TVP23C: variants seen among roughly 807,000 people sequenced by gnomAD.
TVP23C encodes trans-golgi network vesicle protein 23 homolog C.
A neutral mutation model predicts 28.7 loss-of-function variants in TVP23C; 19 were observed. That is an observed-to-expected ratio of 0.66 (90% CI 0.46 to 0.97). The LOEUF is 0.97. Ranked by LOEUF, TVP23C falls within the 50% of genes least tolerant of loss-of-function variation. The pLI is 0.00. For synonymous variants in TVP23C, 68 were observed against 81.7 expected (o/e 0.83, Z 0.90); for missense variants, 186 against 241.3 (o/e 0.77, Z 1.52).
In TVP23C at chr17:15,537,134, T is replaced by C. The variant is rs1328294022; in HGVS notation, c.*3278A>G. ...ACAACATAATCTGCTGATTAAGACT[T>C]CAACAAAGTTTATAATACCTACAAC... On this transcript the variant is annotated 3_prime_UTR_variant, in exon 6 of 6. Coordinates refer to ENST00000518321, the MANE Select transcript of TVP23C (RefSeq NM_001135036.2). 3.7e-6 allele frequency: 1 copy of C among 271,156 alleles called. No homozygotes were observed. The highest frequency in any genetic ancestry group is 2.5e-5 in the African/African-American group (1 of 40,662). The allele number at this position is 271,156 out of a possible 1,614,324, so 16.8% of individuals were successfully genotyped here.
At chr17:15,523,209 T>C (rs932296409) in intron 5 of TVP23C, among the ~76,000 whole-genome samples, 2 of 151,594 alleles carry the variant, frequency 1.3e-5, no homozygotes, top group African/African-American at 4.8e-5. Context: ...TTCACTGTGT[T>C]GCCCAGACTG....
intron 5 of TVP23C, among the ~76,000 whole-genome samples, chr17:15,523,273 AG>A (rs1483983412): frequency 1.3e-5 from 2 of 150,172 alleles, no homozygotes; most frequent in Non-Finnish European, 3.0e-5. Context: ...CCAAAGTTCT[AG>A]GATTACAGGC....
intron 5 of TVP23C, among the ~76,000 whole-genome samples, chr17:15,507,521 G>C (rs914326331): frequency 2.0e-5 from 3 of 152,136 alleles, no homozygotes; most frequent in African/African-American, 4.8e-5. Flanking sequence ...CTGGATTGTA[G>C]AGTTAAGTTT....
intron 3 of TVP23C, among the ~76,000 whole-genome samples, chr17:15,551,486 A>G (rs1983886569): frequency 6.6e-6 from 1 of 152,048 alleles, no homozygotes; most frequent in African/African-American, 2.4e-5. Flanking sequence ...ATAAAAACCA[A>G]TATAAGCTTT....
At chr17:15,555,006 A>G (rs894441271) in intron 2 of TVP23C, among the ~76,000 whole-genome samples, 37 of 152,358 alleles carry the variant, frequency 2.4e-4, no homozygotes, top group Non-Finnish European at 3.4e-4. Flanking sequence ...GAAACTATAT[A>G]AAGAAATGGT....
At chr17:15,522,351 T>C (rs1208425101) in intron 5 of TVP23C, among the ~76,000 whole-genome samples, 1 of 152,148 alleles carries the variant, frequency 6.6e-6, no homozygotes, top group Non-Finnish European at 1.5e-5. Flanking sequence ...AGATAAGACA[T>C]TCACAATATA....
Position 15,545,775 on chromosome 17 carries a change from T to C in TVP23C, c.462+10A>G, listed in dbSNP as rs187682792. 2.0e-3 allele frequency: 3,210 copies of C among 1,611,872 alleles called. 23 individuals are homozygous for C. The highest frequency in any genetic ancestry group is 0.019 in the Admixed American group (1,106 of 59,182). On this transcript the variant is annotated intron_variant, in intron 5 of 5. Coordinates refer to ENST00000518321, the MANE Select transcript of TVP23C (RefSeq NM_001135036.2). ...AATGGATTATTTGAAAGTTCTACAC[T>C]GATACTCACCAGCCACTTTACTGTG... is the stretch of plus-strand genomic sequence containing the variant.
At chr17:15,530,096 G>A (rs1473596923) in intron 5 of TVP23C, among the ~76,000 whole-genome samples, 1 of 152,190 alleles carries the variant, frequency 6.6e-6, no homozygotes, top group Non-Finnish European at 1.5e-5. Flanking sequence ...ACTGTGCCCA[G>A]CCGCAAATCT....
chr17:15,505,869 G>A (rs1981709581), intron 5 of TVP23C, among the ~76,000 whole-genome samples: 1 of 152,240 alleles, frequency 6.6e-6, no homozygotes, highest in South Asian at 2.1e-4. Context: ...TCCCCCAGCA[G>A]TGCCAGCCCA....
At chr17:15,546,285 T>G (rs1021462877) in intron 4 of TVP23C, among the ~76,000 whole-genome samples, 1 of 151,814 alleles carries the variant, frequency 6.6e-6, no homozygotes, top group Non-Finnish European at 1.5e-5. Flanking sequence ...TTCTGGAGAC[T>G]AAAAGGTCAA....
chr17:15,546,684 A>C lies in TVP23C; in HGVS notation c.330+375T>G, dbSNP rs1042863636. On this transcript the variant is annotated intron_variant, in intron 4 of 5. Coordinates refer to ENST00000518321, the MANE Select transcript of TVP23C (RefSeq NM_001135036.2). ...CCTCCTTTTTCCTGCCCAGAAATGAAAGACGACCACAGGAGCAAAGACAGA... is the reference window on the plus strand; with the variant it reads ...CCTCCTTTTTCCTGCCCAGAAATGACAGACGACCACAGGAGCAAAGACAGA... 4.1e-5 allele frequency among the ~76,000 whole-genome samples: 6 copies of C among 147,856 alleles called. No homozygotes were observed. In the Admixed American group the frequency reaches 4.1e-4, roughly 10 times the overall value.
intron 5 of TVP23C, among the ~76,000 whole-genome samples, chr17:15,518,765 G>C (rs1597510359): frequency 6.6e-6 from 1 of 152,184 alleles, no homozygotes; most frequent in East Asian, 1.9e-4. Flanking sequence ...CAGAATACAA[G>C]AGGGAGAGGA....
chr17:15,508,583 T>TC lies in TVP23C; in HGVS notation c.463-5352dup, dbSNP rs140985045. On this transcript the variant is annotated intron_variant, in intron 5 of 5. Coordinates refer to the TVP23C transcript ENST00000225576. ...TCCCTTAGGACTCACATGCCTTTGCTCCCCTCCCTGTGGCTTCGCTGGTGC... is the reference window on the plus strand; with the variant it reads ...TCCCTTAGGACTCACATGCCTTTGCTCCCCCTCCCTGTGGCTTCGCTGGTGC... Among the ~76,000 whole-genome samples, 642 of 152,182 alleles carry TC rather than the reference T, an allele frequency of 4.2e-3. 5 individuals are homozygous for TC. The highest frequency in any genetic ancestry group is 0.014 in the African/African-American group (593 of 41,530).
At chr17:15,518,843 T>C (rs867920318) in intron 5 of TVP23C, among the ~76,000 whole-genome samples, 9 of 152,302 alleles carry the variant, frequency 5.9e-5, no homozygotes, top group Middle Eastern at 3.4e-3. Context: ...TTTGGCTCTG[T>C]GACCTCACTC....
chr17:15,513,132 G>C (rs1597505994), intron 5 of TVP23C, among the ~76,000 whole-genome samples: 1 of 152,186 alleles, frequency 6.6e-6, no homozygotes, highest in African/African-American at 2.4e-5. Context: ...AGATTTGAGT[G>C]GGGGAGTATT....
chr17:15,504,122 G>C (rs1567628001), intron 5 of TVP23C, among the ~76,000 whole-genome samples: 2 of 152,152 alleles, frequency 1.3e-5, no homozygotes, highest in Non-Finnish European at 2.9e-5. Context: ...TGAGGATCCT[G>C]AAACACCTCC....
At chr17:15,526,335 C>G (rs548623038) in intron 5 of TVP23C, among the ~76,000 whole-genome samples, 1 of 152,234 alleles carries the variant, frequency 6.6e-6, no homozygotes, top group East Asian at 1.9e-4. Flanking sequence ...ATTGACAAGT[C>G]CTGGCTTCAC....
intron 2 of TVP23C, among the ~76,000 whole-genome samples, chr17:15,554,326 C>T (rs1984033560): frequency 6.6e-6 from 1 of 151,234 alleles, no homozygotes; most frequent in Admixed American, 6.6e-5. Flanking sequence ...CAAACTTCAC[C>T]TCCTGGGTTC....
chr17:15,524,063 G>GGGGTGTGTGTGTGTGTGT (rs1216462843), intron 5 of TVP23C, among the ~76,000 whole-genome samples: 2 of 136,260 alleles, frequency 1.5e-5, no homozygotes, highest in African/African-American at 5.6e-5. Context: ...AGCAGAGTGG[G>GGGGTGTGTGTGTGTGTGT]GTGTGTGTGT....
Sources: allele counts gnomAD v4.1 joint callset (sites outside exome capture counted in the v4.1 genomes callset), GRCh38; gene constraint gnomAD v4.1.1; transcripts MANE v1.5; gene names NCBI Gene and HGNC (gene_info 2026-07-23, HGNC 2026-07-21).